DGKH: variants seen among roughly 807,000 people sequenced by gnomAD.
The protein encoded by DGKH is diacylglycerol kinase eta, also known as DAG kinase eta.
A neutral mutation model predicts 159.3 loss-of-function variants in DGKH; 90 were observed. The ratio of observed to expected loss-of-function variants is 0.57; its 90% CI spans 0.48 to 0.67. DGKH has a LOEUF of 0.67. DGKH is among the 30% of genes least tolerant of loss of function. The probability of loss-of-function intolerance (pLI) is 0.00; values close to 1 mark genes in which losing one functional copy is unlikely to be tolerated. For synonymous variants in DGKH, 536 were observed against 553.8 expected (o/e 0.97, Z 0.45); for missense variants, 1,181 against 1,506.1 (o/e 0.78, Z 3.57).
chr13:42,133,221 T>G (rs1955328781), intron 3 of DGKH, among the ~76,000 whole-genome samples: 1 of 151,856 alleles, frequency 6.6e-6, no homozygotes, highest in Admixed American at 6.6e-5. Flanking sequence ...TATAACCTCC[T>G]TGAGGATAGG....
chr13:42,174,016 C>A, intron 11 of DGKH, 44 bp from the exon 12 acceptor site: 3 of 1,500,444 alleles, frequency 2.0e-6, no homozygotes, highest in South Asian at 1.1e-5. Flanking sequence ...TTAGTTTATC[C>A]AATTTTAAGG....
intron 1 of DGKH, among the ~76,000 whole-genome samples, chr13:42,065,555 C>A (rs1882500209): frequency 6.6e-6 from 1 of 152,194 alleles, no homozygotes; most frequent in Non-Finnish European, 1.5e-5. Flanking sequence ...GAGAGAATCA[C>A]TTTATGGCAT....
chr13:42,250,106 G>A (rs1201832169), intron 29 of DGKH, among the ~76,000 whole-genome samples: 1 of 151,890 alleles, frequency 6.6e-6, no homozygotes, highest in Non-Finnish European at 1.5e-5. Context: ...GAGTAGCTGG[G>A]ACTACAGGCA....
At chr13:42,116,413 A>G (rs1264573910) in intron 1 of DGKH, among the ~76,000 whole-genome samples, 1 of 152,178 alleles carries the variant, frequency 6.6e-6, no homozygotes, top group Non-Finnish European at 1.5e-5. Context: ...CATTCCTTAG[A>G]TGAGAAGTGG....
At chr13:42,110,564 G>A (rs530390770) in intron 1 of DGKH, among the ~76,000 whole-genome samples, 11 of 78,474 alleles carry the variant, frequency 1.4e-4, no homozygotes, top group Non-Finnish European at 2.7e-4. Context: ...TAAGGAAGAA[G>A]TAAATTCAGA....
intron 1 of DGKH, among the ~76,000 whole-genome samples, chr13:42,040,854 C>T (rs1343830576): frequency 1.4e-5 from 2 of 146,684 alleles, no homozygotes; most frequent in Admixed American, 1.4e-4. Context: ...TCTGCGCGCC[C>T]GGGCGGCCGG....
At chr13:42,080,943 G>A (rs77631646) in intron 1 of DGKH, among the ~76,000 whole-genome samples, 1,647 of 152,160 alleles carry the variant, frequency 0.011, 28 homozygotes, top group African/African-American at 0.038. Flanking sequence ...AGGAAACTAA[G>A]AATCAGAGAA....
At position 42,165,412 on chromosome 13, in the gene DGKH, C is replaced by A. The variant is rs750985985; in HGVS notation, c.937C>A (p.Leu313Ile). 2.5e-6 allele frequency: 4 copies of A among 1,576,864 alleles called. No homozygotes were observed. Among genetic ancestry groups the A allele is most frequent in the Non-Finnish European group, 3.4e-6 (4 of 1,161,864 alleles). ...AGTATCTATCATACCTCCAATTGCA[C>A]TAAACAGCACCGATTCCGATGGTAT... The part of the protein sequence containing the change: ...CKVSIIPPIA[L>I]NSTDSDGFCR... The change falls in exon 8 of 30, where the codon CTA (leucine) becomes ATA (isoleucine). Residue 313 changes from leucine (L) to isoleucine (I), a missense_variant. Leu to Ile is a conservative substitution (Grantham distance 5). This residue lies in a region of DGKH where 369 missense variants were observed against 519.4 expected (regional missense o/e 0.71). Coordinates refer to ENST00000337343, the MANE Select transcript of DGKH (RefSeq NM_178009.5).
intron 13 of DGKH, among the ~76,000 whole-genome samples, chr13:42,186,013 GTGTGTGT>G (rs763928665): frequency 0.34 from 17,145 of 49,810 alleles, 1,256 homozygotes; most frequent in Non-Finnish European, 0.4. Flanking sequence ...TGGTGGTGGT[GTGTGTGT>G]GTGTGTGTGT....
chr13:42,254,367 C>G (rs186119754), intron 30 of DGKH, among the ~76,000 whole-genome samples: 104 of 152,276 alleles, frequency 6.8e-4, no homozygotes, highest in African/African-American at 2.3e-3. Context: ...GTGGCTCATG[C>G]CTGTAATCCC....
chr13:42,151,515 G>GGATATATATACACGTGTATA (rs1955886883), intron 3 of DGKH, among the ~76,000 whole-genome samples: 1 of 100,898 alleles, frequency 9.9e-6, no homozygotes, highest in African/African-American at 4.3e-5. Context: ...GTATACACAT[G>GGATATATATACACGTGTATA]TATATATATA....
At chr13:42,103,178 A>T (rs1305265271) in intron 1 of DGKH, among the ~76,000 whole-genome samples, 1 of 152,112 alleles carries the variant, frequency 6.6e-6, no homozygotes, top group African/African-American at 2.4e-5. Context: ...GGTTTTGTGG[A>T]GTGTCATTTT....
chr13:42,196,433 T>A (rs897029910), intron 17 of DGKH, among the ~76,000 whole-genome samples: 10 of 152,230 alleles, frequency 6.6e-5, no homozygotes, highest in Non-Finnish European at 1.3e-4. Flanking sequence ...ACAAAAGTGA[T>A]ATATTCATAC....
chr13:42,176,280 A>G (rs1225580478), intron 12 of DGKH, among the ~76,000 whole-genome samples: 1 of 152,186 alleles, frequency 6.6e-6, no homozygotes, highest in Non-Finnish European at 1.5e-5. Context: ...CATGTAAAAT[A>G]TTTTCTACCC....
intron 26 of DGKH, among the ~76,000 whole-genome samples, chr13:42,217,705 T>C (rs1158058060): frequency 6.6e-6 from 1 of 152,180 alleles, no homozygotes. Context: ...TAAAGTAATT[T>C]ATAAATATAT....
intron 1 of DGKH, 143 bp downstream of exon 1, chr13:42,049,108 G>T (rs1379351027): frequency 3.8e-6 from 4 of 1,056,510 alleles, no homozygotes; most frequent in Admixed American, 5.7e-5. Flanking sequence ...GGGAAGGCGG[G>T]GAAGGCGGGG....
At position 42,240,225 on chromosome 13, in the gene DGKH, C is replaced by A. The variant is rs1958490706; in HGVS notation, c.*11037C>A. 6.6e-6 allele frequency: 1 copy of A among 152,314 alleles called. No individual in the cohort carries two copies. Among genetic ancestry groups the A allele is most frequent in the East Asian group, 1.9e-4 (1 of 5,188 alleles). The allele number at this position is 152,314 out of a possible 1,614,324, so 9.4% of individuals were successfully genotyped here. A position where few individuals can be genotyped will look rare whatever the true frequency, so the allele number is the denominator to read the frequency against. ...CTTTCACAAACAAAGGCTTAGAATT[C>A]CACATGAAAGTCCACATGAGGTAAG... On this transcript the variant is annotated 3_prime_UTR_variant, in exon 30 of 30. Transcript: ENST00000337343.
At position 42,195,017 on chromosome 13, in the gene DGKH, G is replaced by T; in HGVS notation, c.2167+1G>T. Reference sequence around the variant, plus strand: ...CTCAATACCAGAATAATCTGCCCAGGTAGTACAGATTCTGAAACATCGTGT... The same window carrying T: ...CTCAATACCAGAATAATCTGCCCAGTTAGTACAGATTCTGAAACATCGTGT... On this transcript the variant is annotated splice_donor_variant, in intron 17 of 29. Transcript: ENST00000337343. LOFTEE classifies it high-confidence loss of function. 6.2e-7 allele frequency: 1 copy of T among 1,611,218 alleles called. No homozygotes were observed. The highest frequency in any genetic ancestry group is 8.5e-7 in the Non-Finnish European group (1 of 1,179,240).
intron 1 of DGKH, among the ~76,000 whole-genome samples, chr13:42,111,200 A>T (rs929222558): frequency 7.9e-5 from 12 of 152,244 alleles, no homozygotes; most frequent in African/African-American, 2.9e-4. Context: ...ATCATTATAG[A>T]TATTCTCGAG....
Sources: gnomAD v4.1 joint callset for allele counts (sites outside exome capture counted in the v4.1 genomes callset) on GRCh38, gnomAD v4.1.1 for gene constraint, gnomAD v4.1.1 regional missense constraint, MANE v1.5 for transcripts, NCBI Gene and HGNC (gene_info 2026-07-23, HGNC 2026-07-21) for gene names.